The following MYT1L variants were observed in gnomAD, a reference collection of about 807,000 sequenced individuals.
MYT1L encodes the protein myelin transcription factor 1-like protein.
In MYT1L, 12 loss-of-function variants were observed where a neutral mutation model predicts 126.7. That is an observed-to-expected ratio of 0.09 (90% CI 0.06 to 0.15). The LOEUF (loss-of-function observed/expected upper bound fraction) is 0.15. Among genes scored for constraint, MYT1L ranks in the 10% least tolerant of loss-of-function variants. MYT1L has a pLI of 1.00. For missense variants in MYT1L, 979 were observed against 1,585.2 expected, an observed-to-expected ratio of 0.62 and a Z score of 6.49; for synonymous variants, 541 against 604.2, an observed-to-expected ratio of 0.90 and a Z score of 1.53.
intron 14 of MYT1L, among the ~76,000 whole-genome samples, chr2:1,902,055 A>T (rs760676510): frequency 2.2e-4 from 33 of 152,234 alleles, no homozygotes; most frequent in Admixed American, 1.2e-3. Context: ...CTTCTAAATC[A>T]TCAGAACATT....
intron 8 of MYT1L, among the ~76,000 whole-genome samples, chr2:1,965,624 G>A (rs1002907117): frequency 6.6e-6 from 1 of 152,220 alleles, no homozygotes; most frequent in African/African-American, 2.4e-5. Flanking sequence ...TTTCACACGC[G>A]GGAAGCCAGA....
chr2:2,080,069 G>A lies in MYT1L; in HGVS notation c.-303-25946C>T, dbSNP rs180891980. On this transcript the variant is annotated intron_variant, in intron 3 of 24. Coordinates refer to ENST00000647738, the MANE Select transcript of MYT1L (RefSeq NM_001303052.2). ...CAAGGGTTTCAGAACAATTTAATGGGGGAAATCAAGTCTTTTTAATGAATG... is the reference window on the plus strand; with the variant it reads ...CAAGGGTTTCAGAACAATTTAATGGAGGAAATCAAGTCTTTTTAATGAATG... Among the ~76,000 whole-genome samples, 50 of 152,200 alleles carry A rather than the reference G, an allele frequency of 3.3e-4. No homozygotes were observed. In the East Asian group the frequency reaches 9.3e-3, roughly 28 times the overall value.
chr2:1,866,652 AGAGAGAGAGG>A (rs1307818870), intron 18 of MYT1L, among the ~76,000 whole-genome samples: 3 of 43,942 alleles, frequency 6.8e-5, no homozygotes, highest in African/African-American at 2.1e-4. Flanking sequence ...AGAGAGAGAC[AGAGAGAGAGG>A]GAGAGGGAGG....
chr2:1,977,076 G>A (rs897688718), intron 8 of MYT1L, among the ~76,000 whole-genome samples: 2 of 152,110 alleles, frequency 1.3e-5, no homozygotes, highest in African/African-American at 4.8e-5. Flanking sequence ...AATATTTGGT[G>A]TTCTAATAAT....
At chr2:1,820,206 G>T (rs908188112) in intron 21 of MYT1L, among the ~76,000 whole-genome samples, 3 of 152,218 alleles carry the variant, frequency 2.0e-5, no homozygotes, top group African/African-American at 7.2e-5. Context: ...TTGATAGTTT[G>T]GTTGAGTATA....
intron 3 of MYT1L, among the ~76,000 whole-genome samples, chr2:2,116,729 G>C (rs1343093671): frequency 1.3e-5 from 2 of 152,218 alleles, no homozygotes; most frequent in Non-Finnish European, 2.9e-5. Context: ...GGAAAGCCAG[G>C]CCATGTAAGA....
intron 3 of MYT1L, among the ~76,000 whole-genome samples, chr2:2,122,083 G>A (rs776912239): frequency 2.2e-4 from 34 of 152,172 alleles, no homozygotes; most frequent in Non-Finnish European, 4.3e-4. Context: ...TGATGTGCAC[G>A]TGGACCTGAT....
At chr2:2,187,090 G>A (rs1410509565) in intron 2 of MYT1L, among the ~76,000 whole-genome samples, 1 of 152,230 alleles carries the variant, frequency 6.6e-6, no homozygotes, top group African/African-American at 2.4e-5. Flanking sequence ...GCAGGCCTAG[G>A]GTAAGCAGGT....
At chr2:1,823,266 G>A (rs1033564771) in intron 21 of MYT1L, among the ~76,000 whole-genome samples, 2 of 152,198 alleles carry the variant, frequency 1.3e-5, no homozygotes, top group Admixed American at 1.3e-4. Flanking sequence ...GGTGGTTGTG[G>A]TAGTGAGGGC....
In MYT1L at chr2:2,059,163, G is replaced by A. The variant is rs564718163; in HGVS notation, c.-303-5040C>T. 3.3e-5 allele frequency among the ~76,000 whole-genome samples: 5 copies of A among 152,174 alleles called. No individual in the cohort carries two copies. Among genetic ancestry groups the A allele is most frequent in the Admixed American group, 1.3e-4 (2 of 15,280 alleles). ...CCACACTGGCGGGAACTGAATGGCC[G>A]TTCCCATTTCTCTGAACAAAGGGTG... On this transcript the variant is annotated intron_variant, in intron 3 of 24. Coordinates refer to ENST00000647738, the MANE Select transcript of MYT1L (RefSeq NM_001303052.2). This position sits in a 1 kb window ranked among gnomAD's most constrained non-coding sequence, Gnocchi z 4.7.
intron 8 of MYT1L, among the ~76,000 whole-genome samples, chr2:1,956,965 ATCTG>A (rs1409762353): frequency 2.0e-5 from 3 of 152,098 alleles, no homozygotes; most frequent in Non-Finnish European, 2.9e-5. Context: ...TCTCCATTCC[ATCTG>A]TCTGCAGCCC....
At chr2:2,093,583 A>C (rs1171948097) in intron 3 of MYT1L, among the ~76,000 whole-genome samples, 5 of 151,920 alleles carry the variant, frequency 3.3e-5, no homozygotes, top group Non-Finnish European at 7.4e-5. Flanking sequence ...GTAGATTCTG[A>C]ATATTAGCCC....
chr2:1,979,315 C>T lies in MYT1L; in HGVS notation c.90-88G>A. 7.8e-7 allele frequency: 1 copy of T among 1,282,096 alleles called. No homozygotes were observed. The highest frequency in any genetic ancestry group is 1.2e-5 in the South Asian group (1 of 80,528). 79.4% of individuals were successfully genotyped at this position (1,282,096 alleles called of 1,614,324 possible). Reference sequence around the variant, plus strand: ...GTGGCAGCAGAGAGAAGGAGGGCGGCTCAGACAGAGGAGAGAAATCACACA... The same window carrying T: ...GTGGCAGCAGAGAGAAGGAGGGCGGTTCAGACAGAGGAGAGAAATCACACA... On this transcript the variant is annotated intron_variant, in intron 7 of 24. Transcript: ENST00000647738. This position sits in a 1 kb window ranked among gnomAD's most constrained non-coding sequence, Gnocchi z 4.0.
intron 21 of MYT1L, among the ~76,000 whole-genome samples, chr2:1,829,331 A>G (rs2039797553): frequency 8.6e-6 from 1 of 116,524 alleles, no homozygotes; most frequent in African/African-American, 3.3e-5. Context: ...TGACCCTCCC[A>G]TACACCTGTG....
chr2:2,315,913 C>G (rs1344447219), intron 1 of MYT1L, among the ~76,000 whole-genome samples: 3 of 152,068 alleles, frequency 2.0e-5, no homozygotes, highest in Non-Finnish European at 4.4e-5. Flanking sequence ...ACATAGTTAC[C>G]TTTCTTTTAT....
intron 3 of MYT1L, among the ~76,000 whole-genome samples, chr2:2,054,676 G>T (rs926009717): frequency 1.3e-5 from 2 of 151,970 alleles, no homozygotes; most frequent in African/African-American, 2.4e-5. Context: ...GCATGGAGGT[G>T]AGAAGCATAA....
intron 18 of MYT1L, chr2:1,885,608 A>T (rs1293269730): frequency 3.9e-5 from 6 of 152,654 alleles, no homozygotes; most frequent in African/African-American, 1.4e-4. Context: ...AAGAGATCAA[A>T]TGTGGGTTGA....
intron 2 of MYT1L, among the ~76,000 whole-genome samples, chr2:2,261,310 T>A (rs17039494): frequency 0.016 from 2,454 of 152,370 alleles, 64 homozygotes; most frequent in African/African-American, 0.056. Context: ...TTGATATTGT[T>A]GTTCAGTTGC....
chr2:2,039,223 T>G (rs1179504244), intron 4 of MYT1L, among the ~76,000 whole-genome samples: 1 of 152,110 alleles, frequency 6.6e-6, no homozygotes, highest in Non-Finnish European at 1.5e-5. Context: ...CCTCACAATC[T>G]CACAATGACT....
Sources: gnomAD v4.1 joint callset for allele counts (sites outside exome capture counted in the v4.1 genomes callset) on GRCh38, gnomAD v4.1.1 for gene constraint, Gnocchi (gnomAD v3.1) non-coding constraint, MANE v1.5 for transcripts, NCBI Gene and HGNC (gene_info 2026-07-23, HGNC 2026-07-21) for gene names.